Variants in EPS15L1 observed in about 807,000 individuals in gnomAD.
The protein encoded by EPS15L1 is epidermal growth factor receptor pathway substrate 15 like 1.
In EPS15L1, 43 loss-of-function variants were observed where a neutral mutation model predicts 117.1. The ratio of observed to expected loss-of-function variants is 0.37; its 90% CI spans 0.29 to 0.47. The LOEUF (loss-of-function observed/expected upper bound fraction) is 0.47, where lower values mean the gene tolerates loss of function less well. EPS15L1 is among the 20% of genes least tolerant of loss of function. EPS15L1 has a pLI of 0.99. For missense variants in EPS15L1, 981 were observed against 1,164.0 expected, an observed-to-expected ratio of 0.84 and a Z score of 2.29; for synonymous variants, 459 against 470.5, an observed-to-expected ratio of 0.98 and a Z score of 0.32.
intron 1 of EPS15L1, among the ~76,000 whole-genome samples, chr19:16,470,074 G>T (rs1325905727): frequency 6.6e-6 from 1 of 152,170 alleles, no homozygotes; most frequent in Non-Finnish European, 1.5e-5. Context: ...GAAAGGAACA[G>T]GAAGAGGCTA....
intron 23 of EPS15L1, chr19:16,358,002 C>G (rs945821616): frequency 1.3e-5 from 2 of 152,348 alleles, no homozygotes; most frequent in African/African-American, 2.4e-5. Flanking sequence ...GGGGACCTCA[C>G]CCTCCACCAG....
rs186426624 is a variant in EPS15L1, at chr19:16,400,462, A to C, written c.1791+1859T>G. On this transcript the variant is annotated intron_variant, in intron 16 of 23. Coordinates refer to ENST00000455140, the MANE Select transcript of EPS15L1 (RefSeq NM_001258374.3). ...ACTGTCCAAACATAGGAAGTTCCAG[A>C]TGTACCACTGTGGATACACTATTCT... 6.6e-5 allele frequency among the ~76,000 whole-genome samples: 10 copies of C among 152,260 alleles called. No homozygotes were observed. The South Asian group carries it at 1.0e-3, about 16-fold the overall frequency.
chr19:16,400,281 G>T (rs1288836804), intron 16 of EPS15L1, among the ~76,000 whole-genome samples: 2 of 150,218 alleles, frequency 1.3e-5, no homozygotes, highest in Non-Finnish European at 3.0e-5. Context: ...AGGTTGCAGT[G>T]AGCTGAGATT....
At chr19:16,393,011 C>T (rs950665293) in intron 18 of EPS15L1, among the ~76,000 whole-genome samples, 2 of 151,662 alleles carry the variant, frequency 1.3e-5, no homozygotes, top group African/African-American at 2.4e-5. Context: ...CACTGCACTC[C>T]AGCCTAGGCA....
chr19:16,376,137 G>C (rs1273473962), intron 22 of EPS15L1, among the ~76,000 whole-genome samples: 1 of 152,208 alleles, frequency 6.6e-6, no homozygotes, highest in Non-Finnish European at 1.5e-5. Context: ...AGGGAAGACA[G>C]GTAACAGAAG....
chr19:16,456,911 C>T (rs1051503152), intron 1 of EPS15L1, among the ~76,000 whole-genome samples: 5 of 152,012 alleles, frequency 3.3e-5, no homozygotes, highest in African/African-American at 1.2e-4. Flanking sequence ...GGTCTGTGCA[C>T]GCTGTGCTGA....
At chr19:16,392,541 GA>G in intron 18 of EPS15L1, 101 bp from the exon 19 acceptor site, 1 of 1,192,282 alleles carries the variant, frequency 8.4e-7, no homozygotes, top group Non-Finnish European at 1.2e-6. Flanking sequence ...TGAAATTCTA[GA>G]AAGGTAAGAA....
intron 1 of EPS15L1, among the ~76,000 whole-genome samples, chr19:16,446,449 T>C (rs977891418): frequency 6.6e-6 from 1 of 152,198 alleles, no homozygotes; most frequent in Non-Finnish European, 1.5e-5. Flanking sequence ...TGGAAAGCAA[T>C]CCATTTTCAC....
intron 22 of EPS15L1, among the ~76,000 whole-genome samples, chr19:16,369,324 C>T (rs547115727): frequency 6.6e-6 from 1 of 152,096 alleles, no homozygotes; most frequent in African/African-American, 2.4e-5. Flanking sequence ...AAATATTTAC[C>T]GAATTTTGAG....
chr19:16,355,902 G>A, intron 23 of EPS15L1, 51 bp from the exon 24 acceptor site: 6 of 1,521,834 alleles, frequency 3.9e-6, no homozygotes, highest in Non-Finnish European at 5.3e-6. Context: ...GCTGGGACCT[G>A]CAAGCTGGAG....
At chr19:16,421,213 C>T in intron 10 of EPS15L1, 106 bp downstream of exon 10, 12 of 1,269,154 alleles carry the variant, frequency 9.5e-6, no homozygotes, top group Non-Finnish European at 1.3e-5. Flanking sequence ...ACAGCGGAAG[C>T]CTGTGACAGG....
intron 21 of EPS15L1, among the ~76,000 whole-genome samples, chr19:16,384,754 C>T (rs1435333175): frequency 1.3e-5 from 2 of 152,246 alleles, no homozygotes; most frequent in Non-Finnish European, 2.9e-5. Flanking sequence ...CACTCGCTGG[C>T]CCACTTTCCC....
At chr19:16,415,504 T>C (rs1471616863) in intron 12 of EPS15L1, among the ~76,000 whole-genome samples, 1 of 152,214 alleles carries the variant, frequency 6.6e-6, no homozygotes, top group East Asian at 1.9e-4. Flanking sequence ...AAGTGATCAT[T>C]GGAATATTCA....
At chr19:16,377,010 C>A in intron 22 of EPS15L1, 112 bp downstream of exon 22, 1 of 1,369,730 alleles carries the variant, frequency 7.3e-7, no homozygotes, top group Non-Finnish European at 9.9e-7. Flanking sequence ...TTGCTCCCCA[C>A]ACAGGGTCCC....
intron 1 of EPS15L1, among the ~76,000 whole-genome samples, chr19:16,469,841 C>T (rs1275352252): frequency 6.6e-6 from 1 of 152,032 alleles, no homozygotes; most frequent in Non-Finnish European, 1.5e-5. Flanking sequence ...CCCTTTTGCC[C>T]CCAACCAAAA....
chr19:16,358,262 A>G (rs2092008473), intron 23 of EPS15L1: 2 of 152,904 alleles, frequency 1.3e-5, no homozygotes, highest in Admixed American at 1.3e-4. Flanking sequence ...CCAGCTCACG[A>G]ATCCACTGTG....
intron 17 of EPS15L1, among the ~76,000 whole-genome samples, chr19:16,394,552 C>G (rs753480358): frequency 1.1e-4 from 17 of 152,222 alleles, no homozygotes; most frequent in Admixed American, 2.6e-4. Context: ...AGCCTTCCTC[C>G]TGGAAATACT....
At chr19:16,461,991 G>A (rs2093257292) in intron 1 of EPS15L1, among the ~76,000 whole-genome samples, 1 of 152,226 alleles carries the variant, frequency 6.6e-6, no homozygotes, top group African/African-American at 2.4e-5. Context: ...CCAGATTTCA[G>A]GGGCTGGGAA....
intron 1 of EPS15L1, among the ~76,000 whole-genome samples, chr19:16,447,817 G>A (rs1331000864): frequency 6.6e-6 from 1 of 151,922 alleles, no homozygotes; most frequent in African/African-American, 2.4e-5. Flanking sequence ...ATAATAAAGT[G>A]GAAAGAGTCA....
Sources: allele counts gnomAD v4.1 joint callset (sites outside exome capture counted in the v4.1 genomes callset), GRCh38; gene constraint gnomAD v4.1.1; transcripts MANE v1.5; gene names NCBI Gene and HGNC (gene_info 2026-07-23, HGNC 2026-07-21).